Variants in FAM76A observed in about 807,000 individuals in gnomAD.
The protein encoded by FAM76A is protein FAM76A.
In FAM76A, 32 loss-of-function variants were observed where a neutral mutation model predicts 46.2. That is an observed-to-expected ratio of 0.69 (90% CI 0.52 to 0.93). The LOEUF (loss-of-function observed/expected upper bound fraction) is 0.93, where lower values mean the gene tolerates loss of function less well. FAM76A is among the 40% of genes least tolerant of loss of function. FAM76A has a pLI of 0.00. For synonymous variants in FAM76A, 137 were observed against 127.0 expected (o/e 1.08, Z -0.53); for missense variants, 274 against 361.5 (o/e 0.76, Z 1.96).
At chr1:27,727,640 A>C (rs2087883198) in intron 2 of FAM76A, 104 bp downstream of exon 2, 4 of 825,684 alleles carry the variant, frequency 4.8e-6, no homozygotes, top group Non-Finnish European at 8.1e-6. Context: ...TTGCATTGTA[A>C]AATACAGATC....
At chr1:27,736,020 G>A (rs958668256) in intron 4 of FAM76A, among the ~76,000 whole-genome samples, 6 of 152,046 alleles carry the variant, frequency 3.9e-5, no homozygotes, top group African/African-American at 1.4e-4. Flanking sequence ...TAAATTTAGG[G>A]ATTAAGAGTA....
chr1:27,735,483 T>G (rs1571472473), intron 4 of FAM76A, among the ~76,000 whole-genome samples: 1 of 152,090 alleles, frequency 6.6e-6, no homozygotes, highest in Non-Finnish European at 1.5e-5. Flanking sequence ...TGGCCAGAGG[T>G]GCTTTTAAGA....
Position 27,726,119 on chromosome 1 carries a change from C to T in FAM76A, c.39C>T (p.Arg13=), listed in dbSNP as rs747578182. The change falls in exon 1 of 9, where the codon CGC becomes CGT. Residue 13 remains arginine, a synonymous_variant. Coordinates refer to ENST00000373954, the MANE Select transcript of FAM76A (RefSeq NM_152660.3). ...ALYACTKCHQ[R]FPFEALSQGQ... ...ACGCCTGCACCAAGTGCCACCAGCGCTTCCCCTTCGAGGCGCTGTCTCAGG... is the reference window on the plus strand; with the variant it reads ...ACGCCTGCACCAAGTGCCACCAGCGTTTCCCCTTCGAGGCGCTGTCTCAGG... 2 of 1,306,480 alleles carry T rather than the reference C, an allele frequency of 1.5e-6. No homozygotes were observed. The highest frequency in any genetic ancestry group is 4.4e-5 in the South Asian group (2 of 45,532). 80.9% of individuals were successfully genotyped at this position (1,306,480 alleles called of 1,614,324 possible). A position where few individuals can be genotyped will look rare whatever the true frequency, so the allele number is the denominator to read the frequency against.
intron 6 of FAM76A, among the ~76,000 whole-genome samples, chr1:27,753,906 G>A (rs376901714): frequency 6.6e-6 from 1 of 152,112 alleles, no homozygotes; most frequent in Non-Finnish European, 1.5e-5. Context: ...AGTAAAGAGC[G>A]TTCTTTGAGA....
At chr1:27,758,678 C>CG (rs1340824480) in intron 7 of FAM76A, among the ~76,000 whole-genome samples, 2 of 136,696 alleles carry the variant, frequency 1.5e-5, no homozygotes, top group Admixed American at 7.3e-5. Flanking sequence ...TTTTAATTTT[C>CG]GTTTTTTTTT....
At chr1:27,759,789 T>TTTA in intron 8 of FAM76A, 162 bp downstream of exon 8, 5 of 572,324 alleles carry the variant, frequency 8.7e-6, no homozygotes, top group South Asian at 4.2e-5. Flanking sequence ...GTTTTTTTTT[T>TTTA]GAGACAGGTT....
intron 7 of FAM76A, among the ~76,000 whole-genome samples, chr1:27,757,237 C>T (rs1274551986): frequency 1.2e-4 from 17 of 138,486 alleles, no homozygotes; most frequent in Non-Finnish European, 4.6e-5. Flanking sequence ...GCTCTGTCAC[C>T]CAGGCTGGAG....
chr1:27,760,111 T>C, intron 8 of FAM76A: 1 of 382,044 alleles, frequency 2.6e-6, no homozygotes, highest in Non-Finnish European at 5.2e-6. Flanking sequence ...GGATGTGTTC[T>C]GATCTTTTCC....
At chr1:27,726,540 T>C (rs1201039204) in intron 1 of FAM76A, among the ~76,000 whole-genome samples, 2 of 152,128 alleles carry the variant, frequency 1.3e-5, no homozygotes, top group African/African-American at 2.4e-5. Context: ...AACTCCAAAG[T>C]TGGGTGCTGC....
rs574604181 is a variant in FAM76A at position 27,726,338 on chromosome 1, C to G, written c.81+177C>G. 2.2e-4 allele frequency among the ~76,000 whole-genome samples: 33 copies of G among 152,060 alleles called. No individual in the cohort carries two copies. In the South Asian group the frequency reaches 6.9e-3, roughly 32 times the overall value. On this transcript the variant is annotated intron_variant, in intron 1 of 8. Transcript: ENST00000373954. ...CGGGGCACGTGCGGGAGCCGGGACC[C>G]GGTCCAGGCTCCCGCGGCCGGCGTG...
In FAM76A at chr1:27,762,813, A is replaced by G. The variant is rs542382298; in HGVS notation, c.*2232A>G. The G allele has an allele frequency of 6.6e-6, 1 of 152,332 alleles. No homozygotes were observed. The highest frequency in any genetic ancestry group is 1.9e-4 in the East Asian group (1 of 5,190). The allele number at this position is 152,332 out of a possible 1,614,324, so 9.4% of individuals were successfully genotyped here. A position where few individuals can be genotyped will look rare whatever the true frequency, so the allele number is the denominator to read the frequency against. The stretch of plus-strand genomic sequence containing the variant: ...AAATTCTGTTACATGATGTATGACA[A>G]TATAAAAACATACTTAGTTTTATAC... On this transcript the variant is annotated 3_prime_UTR_variant, in exon 9 of 9. Coordinates refer to ENST00000373954, the MANE Select transcript of FAM76A (RefSeq NM_152660.3).
chr1:27,730,068 T>C (rs2087928676), intron 2 of FAM76A, among the ~76,000 whole-genome samples: 2 of 152,256 alleles, frequency 1.3e-5, no homozygotes, highest in Non-Finnish European at 2.9e-5. Context: ...ATGGTCCATC[T>C]TGAGTTAATT....
chr1:27,731,381 T>C (rs1018451612), intron 2 of FAM76A, among the ~76,000 whole-genome samples: 4 of 151,948 alleles, frequency 2.6e-5, no homozygotes, highest in South Asian at 2.1e-4. Flanking sequence ...TTTTTTTGAA[T>C]TTTTAGTAAA....
At chr1:27,748,796 A>G (rs2088288480) in intron 5 of FAM76A, among the ~76,000 whole-genome samples, 1 of 151,974 alleles carries the variant, frequency 6.6e-6, no homozygotes, top group Non-Finnish European at 1.5e-5. Context: ...TTGAAGTTTT[A>G]TTGATATTTG....
intron 5 of FAM76A, among the ~76,000 whole-genome samples, chr1:27,745,448 GTTTT>G (rs1226911927): frequency 6.6e-6 from 1 of 152,048 alleles, no homozygotes; most frequent in African/African-American, 2.4e-5. Context: ...TACATTTCAG[GTTTT>G]TTTGTTTGTT....
In FAM76A at chr1:27,727,458, T is replaced by C. The variant is rs746801018; in HGVS notation, c.82-14T>C. On this transcript the variant is annotated splice_polypyrimidine_tract_variant and intron_variant, in intron 1 of 8. Transcript: ENST00000373954. ...GTGACTGCCTTTTAAAATTATATCCTCATTTCATTTCAGGAATGTCGGATT... is the reference window on the plus strand; with the variant it reads ...GTGACTGCCTTTTAAAATTATATCCCCATTTCATTTCAGGAATGTCGGATT... 5 of 1,611,982 alleles carry C rather than the reference T, an allele frequency of 3.1e-6. No individual in the cohort carries two copies. The South Asian group carries it at 5.5e-5, about 18-fold the overall frequency.
intron 5 of FAM76A, among the ~76,000 whole-genome samples, chr1:27,745,750 C>T (rs1303314143): frequency 3.3e-5 from 5 of 152,058 alleles, no homozygotes; most frequent in South Asian, 4.1e-4. Flanking sequence ...GATCTTAGGA[C>T]GAGTTGGAAT....
At chr1:27,746,723 T>C (rs12096187) in intron 5 of FAM76A, among the ~76,000 whole-genome samples, 1,959 of 152,144 alleles carry the variant, frequency 0.013, 44 homozygotes, top group African/African-American at 0.045. Context: ...CGAGACTCTA[T>C]CTCAAAAAGA....
rs78762606 is a variant in FAM76A, at chr1:27,758,876, T to G, written c.736-650T>G. Among the ~76,000 whole-genome samples the G allele has an allele frequency of 3.0e-3, 456 of 152,268 alleles. 1 individual carries two copies. The highest frequency in any genetic ancestry group is 4.9e-3 in the Non-Finnish European group (333 of 68,018). ...TTGTTTCCCAAAGCTTTCAGGAAGC[T>G]TGGAATACAGGCTCTTTAGCATAAT... On this transcript the variant is annotated intron_variant, in intron 7 of 8. Transcript: ENST00000373954.
Sources: gnomAD v4.1 joint callset for allele counts (sites outside exome capture counted in the v4.1 genomes callset) on GRCh38, gnomAD v4.1.1 for gene constraint, MANE v1.5 for transcripts, NCBI Gene and HGNC (gene_info 2026-07-23, HGNC 2026-07-21) for gene names.